Variants in TPRG1 observed in about 807,000 individuals in gnomAD.
TPRG1 encodes tumor protein p63 regulated 1.
A neutral mutation model predicts 29.3 loss-of-function variants in TPRG1; 29 were observed. The ratio of observed to expected loss-of-function variants is 0.99; its 90% confidence interval spans 0.74 to 1.35. The LOEUF (loss-of-function observed/expected upper bound fraction) is 1.35, where lower values mean the gene tolerates loss of function less well. TPRG1 is among the 40% of genes most tolerant of loss of function. The pLI, the probability that TPRG1 is intolerant of heterozygous loss-of-function variation, is 0.00. For missense variants in TPRG1, 327 were observed against 335.0 expected (o/e 0.98, Z 0.19); for synonymous variants, 130 against 116.8 (o/e 1.11, Z -0.73).
intron 1 of TPRG1, among the ~76,000 whole-genome samples, chr3:189,114,549 C>T (rs753765335): frequency 2.6e-4 from 39 of 152,118 alleles, no homozygotes; most frequent in Non-Finnish European, 5.3e-4. Flanking sequence ...TCCCAAAGTG[C>T]TGGGATTATA....
chr3:189,060,179 CTGAGATTGCGCCAT>C (rs1716010402), intron 4 of TPRG1, among the ~76,000 whole-genome samples: 1 of 152,190 alleles, frequency 6.6e-6, no homozygotes, highest in African/African-American at 2.4e-5. Context: ...TTGTGGTGAG[CTGAGATTGCGCCAT>C]TGCACTCCAG....
chr3:189,232,239 G>A (rs910375330), intron 3 of TPRG1, among the ~76,000 whole-genome samples: 2 of 152,064 alleles, frequency 1.3e-5, no homozygotes, highest in African/African-American at 4.8e-5. Context: ...TATACTAAGT[G>A]CACCTTAAAG....
In TPRG1 at chr3:189,206,808, C is replaced by CGTGTGTGTGTGTGTGT. The variant is rs142505576; in HGVS notation, c.-9-562_-9-547dup. Among the ~76,000 whole-genome samples, 1,158 of 147,708 alleles carry CGTGTGTGTGTGTGTGT rather than the reference C, an allele frequency of 7.8e-3. 17 individuals are homozygous for CGTGTGTGTGTGTGTGT. The highest frequency in any genetic ancestry group is 0.014 in the South Asian group (66 of 4,582). On this transcript the variant is annotated intron_variant, in intron 1 of 5. Transcript: ENST00000345063. Reference sequence around the variant, plus strand: ...GAGTCACCATGCCCAGCTGAACAACCGTGTGTGTGTGTGTGTGTGTGCACG... The same window carrying CGTGTGTGTGTGTGTGT: ...GAGTCACCATGCCCAGCTGAACAACCGTGTGTGTGTGTGTGTGTGTGTGTGTGTGTGTGTGTGCACG...
At chr3:189,100,022 T>G (rs1718998081), upstream of TPRG1, 1 of 152,260 alleles carries the variant, frequency 6.6e-6, no homozygotes, top group African/African-American at 2.4e-5. Context: ...CTACGTTCCC[T>G]TTCACGAATC....
At chr3:189,228,906 A>C (rs1038135956) in intron 3 of TPRG1, among the ~76,000 whole-genome samples, 1 of 152,220 alleles carries the variant, frequency 6.6e-6, no homozygotes, top group African/African-American at 2.4e-5. Flanking sequence ...AGATCTAATA[A>C]ATTATTTCAG....
intron 3 of TPRG1, among the ~76,000 whole-genome samples, chr3:189,221,778 C>A (rs1318537697): frequency 6.6e-6 from 1 of 152,168 alleles, no homozygotes; most frequent in Non-Finnish European, 1.5e-5. Flanking sequence ...CTATCCTATG[C>A]AATTCTCAAA....
chr3:189,153,953 C>A (rs1726301212), intron 5 of TPRG1, among the ~76,000 whole-genome samples: 1 of 152,214 alleles, frequency 6.6e-6, no homozygotes, highest in Non-Finnish European at 1.5e-5. Flanking sequence ...AGCATTTTGA[C>A]TGGATGCCAC....
intron 4 of TPRG1, among the ~76,000 whole-genome samples, chr3:189,032,505 G>A (rs965445416): frequency 2.6e-5 from 4 of 151,964 alleles, no homozygotes; most frequent in Non-Finnish European, 5.9e-5. Flanking sequence ...TCGTACATAC[G>A]AATCAAGTGG....
intron 3 of TPRG1, among the ~76,000 whole-genome samples, chr3:189,012,817 A>G (rs1376528667): frequency 6.6e-6 from 1 of 151,722 alleles, no homozygotes; most frequent in African/African-American, 2.4e-5. Flanking sequence ...AGTTGTTTTT[A>G]TTTCTCTAGG....
chr3:189,291,568 T>C (rs931930516), intron 4 of TPRG1, among the ~76,000 whole-genome samples: 4 of 152,210 alleles, frequency 2.6e-5, no homozygotes, highest in African/African-American at 9.6e-5. Context: ...TATGATACTA[T>C]TATGGTAGCA....
At chr3:189,122,746 A>T (rs1036606777) in intron 1 of TPRG1, among the ~76,000 whole-genome samples, 1 of 152,214 alleles carries the variant, frequency 6.6e-6, no homozygotes, top group African/African-American at 2.4e-5. Flanking sequence ...TATGTGCATA[A>T]GTTGTCAGTT....
chr3:189,041,455 G>C (rs758478431), intron 4 of TPRG1, among the ~76,000 whole-genome samples: 7 of 152,162 alleles, frequency 4.6e-5, no homozygotes, highest in Non-Finnish European at 7.3e-5. Flanking sequence ...TAACAACTCT[G>C]AGCCTCTTTA....
chr3:189,264,926 A>G lies in TPRG1; in HGVS notation c.479+26017A>G, dbSNP rs559513443. On this transcript the variant is annotated intron_variant, in intron 4 of 5. Coordinates refer to ENST00000345063, the MANE Select transcript of TPRG1 (RefSeq NM_198485.4). ...ATAAGAATCCCTGGGTGCAACTGAAATCCAAGAAAAATTGTAAACAGTGCT... is the reference window on the plus strand; with the variant it reads ...ATAAGAATCCCTGGGTGCAACTGAAGTCCAAGAAAAATTGTAAACAGTGCT... Among the ~76,000 whole-genome samples the G allele has an allele frequency of 6.3e-4, 96 of 152,354 alleles. 1 individual carries two copies. Among genetic ancestry groups the G allele is most frequent in the African/African-American group, 1.7e-3 (70 of 41,584 alleles).
chr3:189,272,705 CTTT>C (rs1715385610), intron 4 of TPRG1, among the ~76,000 whole-genome samples: 1 of 136,372 alleles, frequency 7.3e-6, no homozygotes, highest in Non-Finnish European at 1.6e-5. Context: ...CTCTTTCTTT[CTTT>C]CTTTCTCCTT....
rs555285807 is a variant in TPRG1 at position 189,249,807 on chromosome 3, C to T, written c.479+10898C>T. ...CTCCCTGATGTAAACTTCCCATTTACAAGAACATCCCAGTTCCTTCACCTT... is the reference window on the plus strand; with the variant it reads ...CTCCCTGATGTAAACTTCCCATTTATAAGAACATCCCAGTTCCTTCACCTT... On this transcript the variant is annotated intron_variant, in intron 4 of 5. Transcript: ENST00000345063. 1.1e-4 allele frequency among the ~76,000 whole-genome samples: 17 copies of T among 152,124 alleles called. No individual in the cohort carries two copies. The South Asian group carries it at 2.3e-3, about 20-fold the overall frequency.
At chr3:189,211,150 A>C (rs942871088) in intron 2 of TPRG1, among the ~76,000 whole-genome samples, 1 of 152,174 alleles carries the variant, frequency 6.6e-6, no homozygotes, top group East Asian at 1.9e-4. Context: ...TATGCCAACT[A>C]TTATTTCCCA....
chr3:189,146,774 T>C (rs1203368004), intron 3 of TPRG1, among the ~76,000 whole-genome samples: 1 of 152,260 alleles, frequency 6.6e-6, no homozygotes, highest in Non-Finnish European at 1.5e-5. Flanking sequence ...AATATGCATC[T>C]CATTTAAAAG....
intron 3 of TPRG1, among the ~76,000 whole-genome samples, chr3:189,016,451 T>C (rs1712937910): frequency 6.6e-6 from 1 of 151,978 alleles, no homozygotes; most frequent in South Asian, 2.1e-4. Context: ...TTGTGGACTT[T>C]TGAGTTAATG....
intron 1 of TPRG1, among the ~76,000 whole-genome samples, chr3:189,115,731 A>C (rs1359979125): frequency 6.6e-6 from 1 of 152,230 alleles, no homozygotes; most frequent in Non-Finnish European, 1.5e-5. Flanking sequence ...CCACCTGAGA[A>C]AATTCTGTTA....
Sources: allele counts gnomAD v4.1 joint callset (sites outside exome capture counted in the v4.1 genomes callset), GRCh38; gene constraint gnomAD v4.1.1; transcripts MANE v1.5; gene names NCBI Gene and HGNC (gene_info 2026-07-23, HGNC 2026-07-21).